Variants in GABRG1 observed in about 807,000 individuals in gnomAD.
GABRG1 encodes the protein gamma-aminobutyric acid receptor subunit gamma-1.
In GABRG1, 49 loss-of-function variants were observed where a neutral mutation model predicts 49.8. That is an observed-to-expected ratio of 0.98 (90% CI 0.78 to 1.25). The LOEUF (loss-of-function observed/expected upper bound fraction) is 1.25. Ranked by LOEUF, GABRG1 falls within the 50% of genes most tolerant of loss-of-function variation. The pLI is 0.00. For missense variants in GABRG1, 552 were observed against 552.3 expected, an observed-to-expected ratio of 1.00 and a Z score of 0.01; for synonymous variants, 232 against 185.1, an observed-to-expected ratio of 1.25 and a Z score of -2.06.
At chr4:46,118,025 T>C (rs978622599) in intron 1 of GABRG1, among the ~76,000 whole-genome samples, 1 of 131,730 alleles carries the variant, frequency 7.6e-6, no homozygotes, top group African/African-American at 3.1e-5. Flanking sequence ...TGTGTATCTA[T>C]ATACATATAT....
intron 1 of GABRG1, among the ~76,000 whole-genome samples, chr4:46,104,788 G>C (rs1720482713): frequency 6.6e-6 from 1 of 151,234 alleles, no homozygotes; most frequent in Non-Finnish European, 1.5e-5. Context: ...CTGGATGCTG[G>C]GGATGCAAAG....
intron 2 of GABRG1, 48 bp from the exon 3 acceptor site, chr4:46,084,101 G>T: frequency 1.9e-6 from 2 of 1,032,450 alleles, no homozygotes; most frequent in Admixed American, 2.3e-5. Flanking sequence ...ATTAGACATT[G>T]TTTTAAATAA....
rs981085637 is a variant in GABRG1, at chr4:46,037,954, T to A, written c.*3034A>T. 8 of 151,738 alleles carry A rather than the reference T, an allele frequency of 5.3e-5. No homozygotes were observed. Among genetic ancestry groups the A allele is most frequent in the East Asian group, 1.9e-4 (1 of 5,164 alleles). The allele number at this position is 151,738 out of a possible 1,614,324, so 9.4% of individuals were successfully genotyped here. ...TGAGACAAAAACATTGTCTATTTTA[T>A]GATGATATACTAATGCCAGAATATG... On this transcript the variant is annotated 3_prime_UTR_variant, in exon 9 of 9. Coordinates refer to ENST00000295452, the MANE Select transcript of GABRG1 (RefSeq NM_173536.4).
At chr4:46,101,608 T>C (rs2109434036) in intron 1 of GABRG1, among the ~76,000 whole-genome samples, 1 of 151,710 alleles carries the variant, frequency 6.6e-6, no homozygotes, top group Non-Finnish European at 1.5e-5. Flanking sequence ...ACAAATGAAA[T>C]TATAATCTTG....
At chr4:46,074,860 T>A (rs1357288748) in intron 3 of GABRG1, among the ~76,000 whole-genome samples, 1 of 151,994 alleles carries the variant, frequency 6.6e-6, no homozygotes, top group African/African-American at 2.4e-5. Context: ...TGCATTACAG[T>A]AAGAGTAATG....
chr4:46,047,788 T>C (rs1422530366), intron 8 of GABRG1, among the ~76,000 whole-genome samples: 1 of 152,094 alleles, frequency 6.6e-6, no homozygotes, highest in Non-Finnish European at 1.5e-5. Context: ...TGTTTAATTT[T>C]GATCTTTATC....
chr4:46,114,798 TACTA>T (rs1720834491), intron 1 of GABRG1, among the ~76,000 whole-genome samples: 1 of 150,892 alleles, frequency 6.6e-6, no homozygotes, highest in Non-Finnish European at 1.5e-5. Flanking sequence ...TTAAAAAACA[TACTA>T]ACTTTCTGAT....
At chr4:46,064,557 A>T (rs779448651) in intron 4 of GABRG1, 34 bp from the exon 5 acceptor site, 1 of 1,124,294 alleles carries the variant, frequency 8.9e-7, no homozygotes, top group Non-Finnish European at 1.2e-6. Context: ...TTAAATAAAG[A>T]TAAATAATTT....
chr4:46,110,275 T>C (rs916017992), intron 1 of GABRG1, among the ~76,000 whole-genome samples: 2 of 151,044 alleles, frequency 1.3e-5, no homozygotes, highest in Non-Finnish European at 3.0e-5. Flanking sequence ...ATGCCCTCCT[T>C]TGTCCATTTT....
In GABRG1 at chr4:46,124,009, G is replaced by A. The variant is rs1017020554; in HGVS notation, c.-96C>T. 12 of 903,260 alleles carry A rather than the reference G, an allele frequency of 1.3e-5. No individual in the cohort carries two copies. The African/African-American group carries it at 1.5e-4, about 11-fold the overall frequency. 56.0% of individuals were successfully genotyped at this position (903,260 alleles called of 1,614,324 possible). A position where few individuals can be genotyped will look rare whatever the true frequency, so the allele number is the denominator to read the frequency against. ...AGCAGCTGGCTGAGTACAGAAGGGAGAGTGTGGAAAGGCAGTGCACCTCCC... is the reference window on the plus strand; with the variant it reads ...AGCAGCTGGCTGAGTACAGAAGGGAAAGTGTGGAAAGGCAGTGCACCTCCC... On this transcript the variant is annotated 5_prime_UTR_variant, in exon 1 of 9. Transcript: ENST00000295452.
chr4:46,114,358 A>C (rs1720819785), intron 1 of GABRG1, among the ~76,000 whole-genome samples: 1 of 151,042 alleles, frequency 6.6e-6, no homozygotes, highest in African/African-American at 2.4e-5. Context: ...ACATACATAG[A>C]GAGATGCTTT....
chr4:46,124,052 C>T lies in GABRG1; in HGVS notation c.-139G>A. On this transcript the variant is annotated 5_prime_UTR_variant, in exon 1 of 9. Coordinates refer to ENST00000295452, the MANE Select transcript of GABRG1 (RefSeq NM_173536.4). ...CACCTCCCAAACAGGTAGGATGCGACTCCCAGCAGAATTGAGCCAGGGAGC... is the reference window on the plus strand; with the variant it reads ...CACCTCCCAAACAGGTAGGATGCGATTCCCAGCAGAATTGAGCCAGGGAGC... The T allele has an allele frequency of 1.6e-6, 1 of 635,064 alleles. No homozygotes were observed. The highest frequency in any genetic ancestry group is 2.8e-6 in the Non-Finnish European group (1 of 354,252). 39.3% of individuals were successfully genotyped at this position (635,064 alleles called of 1,614,324 possible).
chr4:46,069,667 A>G (rs928395295), intron 3 of GABRG1, among the ~76,000 whole-genome samples: 1 of 152,148 alleles, frequency 6.6e-6, no homozygotes, highest in Non-Finnish European at 1.5e-5. Context: ...ATGAATGTAG[A>G]TTGCCAAAGG....
intron 8 of GABRG1, among the ~76,000 whole-genome samples, chr4:46,043,921 T>C (rs957012593): frequency 4.6e-5 from 7 of 151,944 alleles, no homozygotes; most frequent in Admixed American, 1.3e-4. Flanking sequence ...AATAAATCAG[T>C]ATTTACATAT....
Position 46,084,043 on chromosome 4 carries a change from T to C in GABRG1, c.264A>G (p.Thr88=), listed in dbSNP as rs976156. ...KLRPDIGVRP[T]VIETDVYVNS... ...TTACATAAACATCAGTTTCAATTACTGTGGGCCTCACTGCAAAATATCAAC... is the reference window on the plus strand; with the variant it reads ...TTACATAAACATCAGTTTCAATTACCGTGGGCCTCACTGCAAAATATCAAC... The change falls in exon 3 of 9, where the codon ACA becomes ACG. Residue 88 remains threonine, a synonymous_variant. Coordinates refer to ENST00000295452, the MANE Select transcript of GABRG1 (RefSeq NM_173536.4). The C allele has an allele frequency of 0.55, 860,514 of 1,563,678 alleles. 242,916 individuals are homozygous for C. Among genetic ancestry groups the C allele is most frequent in the African/African-American group, 0.69 (50,727 of 73,330 alleles).
intron 8 of GABRG1, among the ~76,000 whole-genome samples, chr4:46,041,518 A>G (rs1205701167): frequency 2.0e-5 from 3 of 151,960 alleles, no homozygotes; most frequent in Non-Finnish European, 4.4e-5. Flanking sequence ...ACTCACCAAA[A>G]TATCATTTAC....
chr4:46,073,651 T>C (rs981480042), intron 3 of GABRG1, among the ~76,000 whole-genome samples: 26 of 152,162 alleles, frequency 1.7e-4, no homozygotes, highest in African/African-American at 6.0e-4. Context: ...CCTTTATTCA[T>C]GGGGATACAT....
intron 2 of GABRG1, among the ~76,000 whole-genome samples, chr4:46,088,308 G>A (rs1274555149): frequency 6.6e-6 from 1 of 152,054 alleles, no homozygotes; most frequent in African/African-American, 2.4e-5. Context: ...TGAATATCCT[G>A]TCTAGCATTC....
At chr4:46,080,839 T>C (rs567127706) in intron 3 of GABRG1, among the ~76,000 whole-genome samples, 1 of 151,976 alleles carries the variant, frequency 6.6e-6, no homozygotes, top group East Asian at 1.9e-4. Flanking sequence ...CTCTAGGCAT[T>C]GGTTACTTAG....
Sources: allele counts gnomAD v4.1 joint callset (sites outside exome capture counted in the v4.1 genomes callset), GRCh38; gene constraint gnomAD v4.1.1; transcripts MANE v1.5; gene names NCBI Gene and HGNC (gene_info 2026-07-23, HGNC 2026-07-21).